LAMB1: variants seen among roughly 807,000 people sequenced by gnomAD.
LAMB1 encodes laminin subunit beta-1.
LAMB1 carries 121 observed loss-of-function variants against 222.3 expected under a neutral mutation model. That is an observed-to-expected ratio of 0.54 (90% confidence interval 0.47 to 0.63). The LOEUF (loss-of-function observed/expected upper bound fraction) is 0.63. Among genes scored for constraint, LAMB1 ranks in the 30% least tolerant of loss-of-function variants. The pLI, the probability that LAMB1 is intolerant of heterozygous loss-of-function variation, is 0.00. For synonymous variants in LAMB1, 794 were observed against 807.2 expected, an observed-to-expected ratio of 0.98 and a Z score of 0.28; for missense variants, 2,172 against 2,240.8, an observed-to-expected ratio of 0.97 and a Z score of 0.62.
At chr7:107,980,019 C>A (rs1048522123) in intron 8 of LAMB1, among the ~76,000 whole-genome samples, 1 of 152,066 alleles carries the variant, frequency 6.6e-6, no homozygotes, top group Non-Finnish European at 1.5e-5. Context: ...ATCAGCCTAG[C>A]CAACATGATG....
intron 8 of LAMB1, among the ~76,000 whole-genome samples, chr7:107,979,291 T>C (rs1290752044): frequency 1.3e-5 from 2 of 152,182 alleles, no homozygotes; most frequent in South Asian, 4.1e-4. Context: ...AAGTTCTAAC[T>C]GGAGTAAAGG....
At chr7:107,949,291 C>T (rs2033191484) in intron 24 of LAMB1, among the ~76,000 whole-genome samples, 1 of 152,244 alleles carries the variant, frequency 6.6e-6, no homozygotes, top group African/African-American at 2.4e-5. Context: ...CTCTGATTGA[C>T]TCTGACTCTG....
In LAMB1 at chr7:107,932,266, C is replaced by A; in HGVS notation, c.4300G>T (p.Val1434Phe). 6.2e-7 allele frequency: 1 copy of A among 1,614,220 alleles called. No homozygotes were observed. The highest frequency in any genetic ancestry group is 1.1e-5 in the South Asian group (1 of 91,082). The change falls in exon 28 of 34, where the codon GTT becomes TTT. Residue 1434 changes from valine (V) to phenylalanine (F), a missense_variant. By Grantham distance (50) the Val-to-Phe change is conservative. Coordinates refer to ENST00000222399, the MANE Select transcript of LAMB1 (RefSeq NM_002291.3). ...TGCCAGGCGTTGTGTGCAACAGTAA[C>A]CAGACCACCACAGCCAGGCCCCCCA... The part of the protein sequence containing the change: ...KCGGPGCGGL[V>F]TVAHNAWQKA...
intron 5 of LAMB1, among the ~76,000 whole-genome samples, chr7:107,991,173 G>A (rs1362868842): frequency 6.6e-6 from 1 of 152,064 alleles, no homozygotes; most frequent in South Asian, 2.1e-4. Flanking sequence ...GTTATTAACT[G>A]CAAGAATACA....
rs867784190 is a variant in LAMB1 at position 107,979,864 on chromosome 7, A to C, written c.879+745T>G. ...AGAGGTGTGCGGATCACTTGAGGTC[A>C]GGAGTTTGAGATCAGCCTGACCAAT... is the stretch of plus-strand genomic sequence containing the variant. On this transcript the variant is annotated intron_variant, in intron 8 of 33. Transcript: ENST00000222399. Among the ~76,000 whole-genome samples the C allele has an allele frequency of 2.8e-4, 43 of 152,320 alleles. 1 individual carries two copies. Among genetic ancestry groups the C allele is most frequent in the African/African-American group, 1.0e-3 (42 of 41,586 alleles).
chr7:107,991,316 G>A (rs2034176922), intron 5 of LAMB1, among the ~76,000 whole-genome samples: 1 of 152,130 alleles, frequency 6.6e-6, no homozygotes, highest in Non-Finnish European at 1.5e-5. Flanking sequence ...GAGCACAGTG[G>A]CTCATGCCTC....
intron 33 of LAMB1, 58 bp from the exon 34 acceptor site, chr7:107,924,145 A>G (rs2032502972): frequency 6.6e-7 from 1 of 1,525,430 alleles, no homozygotes; most frequent in Non-Finnish European, 8.8e-7. Flanking sequence ...TGATCTCAAG[A>G]CAAAGTGAAT....
intron 32 of LAMB1, among the ~76,000 whole-genome samples, chr7:107,925,248 A>G (rs1006483710): frequency 2.0e-5 from 3 of 152,174 alleles, no homozygotes; most frequent in African/African-American, 7.2e-5. Context: ...AGGTCAGTAA[A>G]TGCAGGTGCC....
At chr7:107,986,113 A>G (rs1273736970) in intron 6 of LAMB1, 28 bp from the exon 7 acceptor site, 1 of 1,609,918 alleles carries the variant, frequency 6.2e-7, no homozygotes, top group East Asian at 2.2e-5. Flanking sequence ...AGTAATTGGT[A>G]CTTCTGCAAT....
At chr7:107,929,928 G>A in intron 29 of LAMB1, 2 of 381,564 alleles carry the variant, frequency 5.2e-6, no homozygotes, top group South Asian at 5.6e-5. Flanking sequence ...AAAGAAGAAA[G>A]GACAATTCCA....
rs779500997 is a variant in LAMB1, at chr7:107,932,212, G to A, written c.4354C>T (p.Leu1452=). 5 of 1,614,126 alleles carry A rather than the reference G, an allele frequency of 3.1e-6. No individual in the cohort carries two copies. The highest frequency in any genetic ancestry group is 4.2e-6 in the Non-Finnish European group (5 of 1,180,054). ...QKAMDLDQDV[L]SALAEVEQLS... ...TGTTCCACTTCAGCCAGGGCACTCAGGACATCTTGGTCCAAGTCCATGGCT... is the reference window on the plus strand; with the variant it reads ...TGTTCCACTTCAGCCAGGGCACTCAAGACATCTTGGTCCAAGTCCATGGCT... The change falls in exon 28 of 34, where the codon CTG becomes TTG. Residue 1452 remains leucine, a synonymous_variant. Coordinates refer to ENST00000222399, the MANE Select transcript of LAMB1 (RefSeq NM_002291.3).
chr7:107,970,060 G>A (rs1584517308), intron 13 of LAMB1, among the ~76,000 whole-genome samples: 1 of 152,298 alleles, frequency 6.6e-6, no homozygotes, highest in Admixed American at 6.5e-5. Flanking sequence ...CAAGTGAGAT[G>A]CAAAAACAAA....
rs539917567 is a variant in LAMB1 at position 107,940,726 on chromosome 7, C to T, written c.3392-368G>A. The stretch of plus-strand genomic sequence containing the variant: ...AAGTCTCACTGCAAGGAAAAGGCCA[C>T]GCCAGAATTCTGATTCAGTTCTTTG... On this transcript the variant is annotated intron_variant, in intron 24 of 33. Coordinates refer to ENST00000222399, the MANE Select transcript of LAMB1 (RefSeq NM_002291.3). 7.9e-5 allele frequency among the ~76,000 whole-genome samples: 12 copies of T among 152,278 alleles called. No homozygotes were observed. In the South Asian group the frequency reaches 1.5e-3, roughly 18 times the overall value.
At chr7:107,991,718 G>A (rs1261955994) in intron 5 of LAMB1, among the ~76,000 whole-genome samples, 1 of 152,096 alleles carries the variant, frequency 6.6e-6, no homozygotes, top group East Asian at 1.9e-4. Context: ...AGACCAGCCT[G>A]GCCAATATGG....
chr7:107,973,643 A>G (rs913116117), intron 12 of LAMB1, among the ~76,000 whole-genome samples: 1 of 152,032 alleles, frequency 6.6e-6, no homozygotes, highest in Non-Finnish European at 1.5e-5. Context: ...AGGTTCACCA[A>G]TTTATTTTAT....
chr7:107,963,307 GGGATAT>G (rs1258324638), intron 14 of LAMB1, among the ~76,000 whole-genome samples: 2 of 152,084 alleles, frequency 1.3e-5, no homozygotes, highest in Non-Finnish European at 2.9e-5. Context: ...TCAAAGGCTT[GGGATAT>G]ACCTTATTTG....
chr7:108,001,999 C>T, intron 2 of LAMB1: 1 of 1,443,160 alleles, frequency 6.9e-7, no homozygotes, highest in Non-Finnish European at 9.1e-7. Flanking sequence ...GGAAACCCAC[C>T]GACGCTCGCG....
At chr7:107,955,825 T>G (rs2033363692) in intron 20 of LAMB1, among the ~76,000 whole-genome samples, 195 bp from the exon 21 acceptor site, 1 of 152,208 alleles carries the variant, frequency 6.6e-6, no homozygotes, top group Admixed American at 6.5e-5. Context: ...CTCTGTTTTT[T>G]GGGTTCAAGT....
intron 7 of LAMB1, among the ~76,000 whole-genome samples, chr7:107,982,591 C>T (rs934734574): frequency 1.5e-4 from 23 of 152,110 alleles, no homozygotes; most frequent in African/African-American, 2.4e-5. Flanking sequence ...TGAGCACAAG[C>T]GCCTATTGAC....
Sources: gnomAD v4.1 joint callset for allele counts (sites outside exome capture counted in the v4.1 genomes callset) on GRCh38, gnomAD v4.1.1 for gene constraint, MANE v1.5 for transcripts, NCBI Gene and HGNC (gene_info 2026-07-23, HGNC 2026-07-21) for gene names.